The following SEC16B variants were observed in gnomAD, a reference collection of about 807,000 sequenced individuals.
The protein encoded by SEC16B is protein transport protein Sec16B.
SEC16B carries 115 observed loss-of-function variants against 141.8 expected under a neutral mutation model. The observed-to-expected ratio is 0.81, with a 90% CI of 0.70 to 0.95. The LOEUF is 0.95. Ranked by LOEUF, SEC16B falls within the 40% of genes least tolerant of loss-of-function variation. The pLI, the probability that SEC16B is intolerant of heterozygous loss-of-function variation, is 0.00. For missense variants in SEC16B, 1,291 were observed against 1,312.3 expected (o/e 0.98, Z 0.25); for synonymous variants, 493 against 492.5 (o/e 1.00, Z -0.01).
intron 1 of SEC16B, among the ~76,000 whole-genome samples, chr1:177,975,608 A>G (rs1571361077): frequency 6.6e-6 from 1 of 152,244 alleles, no homozygotes; most frequent in Non-Finnish European, 1.5e-5. Flanking sequence ...AAAGAAAAAC[A>G]TTACATTACA....
chr1:177,947,973 A>G (rs767166902), intron 12 of SEC16B, 31 bp from the exon 13 acceptor site: 5 of 1,426,466 alleles, frequency 3.5e-6, no homozygotes, highest in Non-Finnish European at 4.8e-6. Context: ...TAAATGTACA[A>G]TCATTTAAGA....
chr1:177,948,508 G>A, intron 12 of SEC16B: 1 of 1,304,242 alleles, frequency 7.7e-7, no homozygotes, highest in Non-Finnish European at 1.0e-6. Context: ...ATCAAGCCAA[G>A]TGGCCCAGCT....
chr1:177,978,400 T>C (rs1654263726), intron 1 of SEC16B, among the ~76,000 whole-genome samples: 1 of 152,146 alleles, frequency 6.6e-6, no homozygotes, highest in African/African-American at 2.4e-5. Context: ...ATCAACGTTG[T>C]TTAAAAGAGC....
rs1650946866 is a variant in SEC16B at position 177,937,554 on chromosome 1, T to C, written c.2204-41A>G. On this transcript the variant is annotated intron_variant, in intron 18 of 25. Coordinates refer to ENST00000308284, the MANE Select transcript of SEC16B (RefSeq NM_033127.4). Reference sequence around the variant, plus strand: ...AAAGGTAAAGAAGTCAGACCTGAAATGCGGCATTTGCATACTGATCACACC... The same window carrying C: ...AAAGGTAAAGAAGTCAGACCTGAAACGCGGCATTTGCATACTGATCACACC... 8.3e-6 allele frequency: 12 copies of C among 1,438,144 alleles called. No individual in the cohort carries two copies. The East Asian group carries it at 3.0e-4, about 36-fold the overall frequency. The allele number at this position is 1,438,144 out of a possible 1,614,324, so 89.1% of individuals were successfully genotyped here. A position where few individuals can be genotyped will look rare whatever the true frequency, so the allele number is the denominator to read the frequency against.
At chr1:177,936,475 C>G in intron 19 of SEC16B, 110 bp from the exon 20 acceptor site, 1 of 943,154 alleles carries the variant, frequency 1.1e-6, no homozygotes, top group Non-Finnish European at 1.7e-6. Context: ...AGCAGAAGCT[C>G]GGAGCCCATA....
intron 10 of SEC16B, among the ~76,000 whole-genome samples, chr1:177,955,824 G>A (rs528180722): frequency 6.6e-6 from 1 of 152,286 alleles, no homozygotes; most frequent in East Asian, 1.9e-4. Flanking sequence ...TCTGCCTCTG[G>A]AAATTTATCT....
At chr1:177,944,477 T>C (rs1651518500) in intron 15 of SEC16B, 84 bp downstream of exon 15, 5 of 1,042,614 alleles carry the variant, frequency 4.8e-6, no homozygotes, top group Non-Finnish European at 7.3e-6. Flanking sequence ...CCCCAGGTAC[T>C]AAGTGCCAAA....
intron 8 of SEC16B, chr1:177,959,950 C>T (rs922228710): frequency 4.3e-6 from 1 of 234,068 alleles, no homozygotes; most frequent in Non-Finnish European, 8.4e-6. Flanking sequence ...ATCTTATTTA[C>T]CTCTCCAGGA....
chr1:177,932,639 C>CAA, intron 23 of SEC16B, 59 bp downstream of exon 23: 2 of 1,507,886 alleles, frequency 1.3e-6, no homozygotes, highest in Admixed American at 4.5e-5. Flanking sequence ...GAAGGCACCC[C>CAA]AACCCTTGGG....
rs1208462257 is a variant in SEC16B at position 177,929,228 on chromosome 1, T to TG, written c.*629dup. The TG allele has an allele frequency of 6.5e-6, 1 of 153,608 alleles. No individual in the cohort carries two copies. Among genetic ancestry groups the TG allele is most frequent in the African/African-American group, 2.4e-5 (1 of 41,346 alleles). 9.5% of individuals were successfully genotyped at this position (153,608 alleles called of 1,614,324 possible). A position where few individuals can be genotyped will look rare whatever the true frequency, so the allele number is the denominator to read the frequency against. ...AACTTGATAGCCACATGCCAGAATG[T>TG]GAAAAAATAGGACCAGCTAAGAAAG... On this transcript the variant is annotated 3_prime_UTR_variant, in exon 26 of 26. Coordinates refer to ENST00000308284, the MANE Select transcript of SEC16B (RefSeq NM_033127.4).
At chr1:177,967,138 T>C (rs967097923) in intron 2 of SEC16B, among the ~76,000 whole-genome samples, 1 of 152,206 alleles carries the variant, frequency 6.6e-6, no homozygotes, top group African/African-American at 2.4e-5. Context: ...TTCTATCTGC[T>C]TTCCCTGAGG....
At chr1:177,936,475 C>T (rs1306409589) in intron 19 of SEC16B, 110 bp from the exon 20 acceptor site, 22 of 943,036 alleles carry the variant, frequency 2.3e-5, no homozygotes, top group East Asian at 2.1e-4. Context: ...AGCAGAAGCT[C>T]GGAGCCCATA....
chr1:177,958,436 G>T, intron 9 of SEC16B, 74 bp from the exon 10 acceptor site: 2 of 1,268,102 alleles, frequency 1.6e-6, no homozygotes, highest in South Asian at 1.7e-5. Context: ...GGAGAAGGAA[G>T]GCACCAGGGA....
upstream of SEC16B, among the ~76,000 whole-genome samples, chr1:177,973,831 T>C (rs933728916): frequency 6.6e-6 from 1 of 152,142 alleles, no homozygotes; most frequent in Admixed American, 6.6e-5. Flanking sequence ...GTAATCATCA[T>C]TCTAATGGAT....
chr1:177,965,882 CT>C lies in SEC16B; in HGVS notation c.412+10del, dbSNP rs769246276. The stretch of plus-strand genomic sequence containing the variant: ...CCAAATCCCAGAGGCTTCTTGGAGA[CT>C]TTTCCATACCTCTTTCTTCCTGCAG... On this transcript the variant is annotated intron_variant, in intron 3 of 25. Coordinates refer to ENST00000308284, the MANE Select transcript of SEC16B (RefSeq NM_033127.4). 2 of 1,541,504 alleles carry C rather than the reference CT, an allele frequency of 1.3e-6. No homozygotes were observed. The highest frequency in any genetic ancestry group is 1.8e-6 in the Non-Finnish European group (2 of 1,130,754).
chr1:177,950,659 A>G (rs1383371313), intron 12 of SEC16B, among the ~76,000 whole-genome samples: 1 of 152,172 alleles, frequency 6.6e-6, no homozygotes, highest in Non-Finnish European at 1.5e-5. Flanking sequence ...TAAGTAAAAT[A>G]ATGAAGCAAT....
intron 1 of SEC16B, among the ~76,000 whole-genome samples, chr1:177,982,144 C>A (rs1654443538): frequency 6.6e-6 from 1 of 152,060 alleles, no homozygotes; most frequent in African/African-American, 2.4e-5. Context: ...TACATAAGAA[C>A]TCAAAAGTGC....
intron 3 of SEC16B, among the ~76,000 whole-genome samples, chr1:177,965,486 T>C (rs751009680): frequency 2.0e-5 from 3 of 152,038 alleles, no homozygotes; most frequent in Non-Finnish European, 4.4e-5. Flanking sequence ...CTATACCTAT[T>C]AGCATACGGT....
At chr1:177,974,912 G>A (rs1443840066), upstream of SEC16B, among the ~76,000 whole-genome samples, 1 of 152,160 alleles carries the variant, frequency 6.6e-6, no homozygotes, top group African/African-American at 2.4e-5. Context: ...AGGAACAAAA[G>A]TTAAACCTAG....
Sources: gnomAD v4.1 joint callset for allele counts (sites outside exome capture counted in the v4.1 genomes callset) on GRCh38, gnomAD v4.1.1 for gene constraint, MANE v1.5 for transcripts, NCBI Gene and HGNC (gene_info 2026-07-23, HGNC 2026-07-21) for gene names.